GANC: variants seen among roughly 807,000 people sequenced by gnomAD.
The protein encoded by GANC is glucosidase alpha, neutral C.
Under a neutral mutation model 124.2 loss-of-function variants are expected in GANC, and 117 were observed. The observed-to-expected ratio is 0.94, with a 90% CI of 0.81 to 1.10. GANC has a LOEUF of 1.10. GANC is among the 50% of genes least tolerant of loss of function. The probability of loss-of-function intolerance (pLI) is 0.00; values close to 1 mark genes in which losing one functional copy is unlikely to be tolerated. For missense variants in GANC, 1,140 were observed against 1,095.0 expected (o/e 1.04, Z -0.58); for synonymous variants, 377 against 376.8 (o/e 1.00, Z -0.01).
intron 3 of GANC, among the ~76,000 whole-genome samples, chr15:42,285,368 T>C (rs903897783): frequency 2.6e-5 from 4 of 152,248 alleles, no homozygotes; most frequent in African/African-American, 7.2e-5. Context: ...GCTTTACTTA[T>C]TGGACTTCTG....
Position 42,321,878 on chromosome 15 carries a change from G to T in GANC, c.1151G>T (p.Gly384Val). The change falls in exon 11 of 24, where the codon GGG becomes GTG. Residue 384 changes from glycine (G) to valine (V), a missense_variant. Transcript: ENST00000318010. ...DEQDVKAVDA[G>V]FDEHDIPYDA... ...CAGGATGTAAAAGCAGTGGATGCAG[G>T]GTTTGATGAGCATGACATTCCTTAT... is the stretch of plus-strand genomic sequence containing the variant. 6.2e-7 allele frequency: 1 copy of T among 1,614,190 alleles called. No homozygotes were observed. The highest frequency in any genetic ancestry group is 8.5e-7 in the Non-Finnish European group (1 of 1,180,028).
intron 19 of GANC, 147 bp downstream of exon 19, chr15:42,343,301 GTCCT>G: frequency 1.6e-6 from 1 of 639,070 alleles, no homozygotes; most frequent in Non-Finnish European, 2.7e-6. Context: ...CATGACCACT[GTCCT>G]CAGAGGTCAA....
In GANC at chr15:42,287,472, G is replaced by A. The variant is rs181958002; in HGVS notation, c.202-219G>A. On this transcript the variant is annotated intron_variant, in intron 3 of 23. Coordinates refer to ENST00000318010, the MANE Select transcript of GANC (RefSeq NM_198141.3). The stretch of plus-strand genomic sequence containing the variant: ...GGTTTGACAATTTTATGTTCACCTA[G>A]CCACAGAACACATAGGAGATATTTC... Among the ~76,000 whole-genome samples, 15 of 152,190 alleles carry A rather than the reference G, an allele frequency of 9.9e-5. No individual in the cohort carries two copies. In the East Asian group the frequency reaches 2.1e-3, roughly 22 times the overall value.
intron 4 of GANC, 122 bp from the exon 5 acceptor site, chr15:42,292,613 G>T: frequency 1.1e-6 from 1 of 928,070 alleles, no homozygotes; most frequent in Non-Finnish European, 1.6e-6. Flanking sequence ...TTTCTCTGTT[G>T]CCTTATCTAT....
chr15:42,321,775 C>T lies in GANC; in HGVS notation c.1058-10C>T. 1 of 1,612,602 alleles carries T rather than the reference C, an allele frequency of 6.2e-7. No individual in the cohort carries two copies. Among genetic ancestry groups the T allele is most frequent in the Non-Finnish European group, 8.5e-7 (1 of 1,178,644 alleles). The stretch of plus-strand genomic sequence containing the variant: ...TGGCAGTTGACTCAGTTGTCATCTC[C>T]CTCTTTTAGGCACACAAGCCATGCC... On this transcript the variant is annotated splice_polypyrimidine_tract_variant and intron_variant, in intron 10 of 23. Coordinates refer to ENST00000318010, the MANE Select transcript of GANC (RefSeq NM_198141.3).
intron 6 of GANC, among the ~76,000 whole-genome samples, chr15:42,299,591 A>G (rs1434590134): frequency 6.6e-6 from 1 of 152,244 alleles, no homozygotes; most frequent in African/African-American, 2.4e-5. Flanking sequence ...TCTTCACAGA[A>G]TTAGAAACAA....
At chr15:42,287,927 A>G (rs2051806878) in intron 4 of GANC, 109 bp downstream of exon 4, 1 of 1,097,002 alleles carries the variant, frequency 9.1e-7, no homozygotes, top group South Asian at 1.7e-5. Context: ...GCTCAAAACT[A>G]CAGTCATTTA....
intron 11 of GANC, among the ~76,000 whole-genome samples, chr15:42,322,785 T>C (rs1038771842): frequency 6.6e-6 from 1 of 152,134 alleles, no homozygotes; most frequent in African/African-American, 2.4e-5. Context: ...CTGGAACATG[T>C]ATAATGCTGC....
At chr15:42,334,622 C>T (rs59320762) in intron 15 of GANC, among the ~76,000 whole-genome samples, 15,757 of 151,622 alleles carry the variant, frequency 0.1, 1,174 homozygotes, top group Admixed American at 0.19. Context: ...GGCAAGCCAC[C>T]GACTGAGGAA....
chr15:42,339,706 G>C lies in GANC; in HGVS notation c.1881G>C (p.Glu627Asp). Residue 627 changes from glutamate (E) to aspartate (D), a missense_variant, in exon 17 of 24, where the codon GAG becomes GAC. Coordinates refer to ENST00000318010, the MANE Select transcript of GANC (RefSeq NM_198141.3). ...GGTTCATTGGGAATCCAGAGACAGA[G>C]CTGCTAGTGCGTTGGTACCAGGCTG... ...IGGFIGNPET[E>D]LLVRWYQAGA... 6.2e-7 allele frequency: 1 copy of C among 1,614,132 alleles called. No individual in the cohort carries two copies. Among genetic ancestry groups the C allele is most frequent in the South Asian group, 1.1e-5 (1 of 91,086 alleles).
At chr15:42,329,159 G>C in intron 13 of GANC, 147 bp from the exon 14 acceptor site, 1 of 756,398 alleles carries the variant, frequency 1.3e-6, no homozygotes, top group Non-Finnish European at 2.1e-6. Context: ...ACAAAATGTT[G>C]TTCCCTGTGG....
intron 2 of GANC, 126 bp downstream of exon 2, chr15:42,276,536 A>G: frequency 3.7e-6 from 2 of 544,428 alleles, no homozygotes; most frequent in South Asian, 4.7e-5. Context: ...TAAGGAAATC[A>G]TCAGACAGGA....
chr15:42,298,901 CA>C (rs1286457381), intron 6 of GANC, among the ~76,000 whole-genome samples: 1 of 152,136 alleles, frequency 6.6e-6, no homozygotes, highest in East Asian at 1.9e-4. Context: ...GATTTTTGCA[CA>C]TTGATTTTGT....
In GANC at chr15:42,310,349, C is replaced by A. The variant is rs1453047982; in HGVS notation, c.789C>A (p.Gly263=). The A allele has an allele frequency of 6.2e-7, 1 of 1,613,146 alleles. No homozygotes were observed. The highest frequency in any genetic ancestry group is 1.7e-5 in the Admixed American group (1 of 59,986). ...GATACCAAATATATGATAAAATGGG[C>A]ATTTATGGTTCAGTACCTTATCTCC... ...VYGYQIYDKM[G]IYGSVPYLLA... The change falls in exon 9 of 24, where the codon GGC becomes GGA. Residue 263 remains glycine, a synonymous_variant. Coordinates refer to ENST00000318010, the MANE Select transcript of GANC (RefSeq NM_198141.3).
At position 42,276,360 on chromosome 15, in the gene GANC, A is replaced by G; in HGVS notation, c.42A>G (p.Glu14=). ...TCTTTTTATTTAGTCTTGAAGATGA[A>G]GCTGTAGATAAAAACATTTTCAGAG... The part of the protein sequence containing the change: ...AVKEEISLED[E]AVDKNIFRDC... The change falls in exon 2 of 24, where the codon GAA becomes GAG. Residue 14 remains glutamate (E), a synonymous_variant. Coordinates refer to ENST00000318010, the MANE Select transcript of GANC (RefSeq NM_198141.3). The G allele has an allele frequency of 6.9e-7, 1 of 1,459,792 alleles. No individual in the cohort carries two copies. 90.4% of individuals were successfully genotyped at this position (1,459,792 alleles called of 1,614,324 possible).
rs2052224092 is a variant in GANC at position 42,329,421 on chromosome 15, A to C, written c.1616A>C (p.Glu539Ala). The change falls in exon 14 of 24, where the codon GAG (glutamate) becomes GCG (alanine). Residue 539 changes from glutamate (E) to alanine (A), a missense_variant. Physicochemically the swap from Glu to Ala is moderately radical, Grantham distance 107. Coordinates refer to ENST00000318010, the MANE Select transcript of GANC (RefSeq NM_198141.3). ...CATCATGGCAATTGGGAGCACAGAGAGCTCCACAACATCTACGGTTTTTAT... is the reference window on the plus strand; with the variant it reads ...CATCATGGCAATTGGGAGCACAGAGCGCTCCACAACATCTACGGTTTTTAT... The part of the protein sequence containing the change: ...AIHHGNWEHR[E>A]LHNIYGFYHQ... 6.8e-6 allele frequency: 11 copies of C among 1,613,270 alleles called. No individual in the cohort carries two copies. The highest frequency in any genetic ancestry group is 9.3e-6 in the Non-Finnish European group (11 of 1,179,782).
At chr15:42,348,464 G>C (rs1485851808) in intron 21 of GANC, among the ~76,000 whole-genome samples, 2 of 152,200 alleles carry the variant, frequency 1.3e-5, no homozygotes, top group Admixed American at 1.3e-4. Flanking sequence ...TCTTCAACTT[G>C]ACGTTGATTA....
intron 18 of GANC, among the ~76,000 whole-genome samples, chr15:42,341,281 T>G (rs546696821): frequency 8.2e-4 from 125 of 152,248 alleles, no homozygotes; most frequent in Non-Finnish European, 1.4e-3. Flanking sequence ...TCTTGCTGAC[T>G]TATTTGTGGA....
intron 5 of GANC, among the ~76,000 whole-genome samples, chr15:42,294,556 C>T (rs1353559144): frequency 8.1e-6 from 1 of 124,090 alleles, no homozygotes; most frequent in Non-Finnish European, 1.6e-5. Context: ...GCCTGGGCAG[C>T]AGAGCAAGAC....
Sources: gnomAD v4.1 joint callset for allele counts (sites outside exome capture counted in the v4.1 genomes callset) on GRCh38, gnomAD v4.1.1 for gene constraint, MANE v1.5 for transcripts, NCBI Gene and HGNC (gene_info 2026-07-23, HGNC 2026-07-21) for gene names.